Variants in PCSK5 observed in about 807,000 individuals in gnomAD.
PCSK5 encodes the protein prohormone convertase 5.
PCSK5 carries 129 observed loss-of-function variants against 233.2 expected under a neutral mutation model. The ratio of observed to expected loss-of-function variants is 0.55; its 90% CI spans 0.48 to 0.64. The LOEUF (loss-of-function observed/expected upper bound fraction) is 0.64. Ranked by LOEUF, PCSK5 falls within the 30% of genes least tolerant of loss-of-function variation. The probability of loss-of-function intolerance (pLI) is 0.00; values close to 1 mark genes in which losing one functional copy is unlikely to be tolerated. For synonymous variants in PCSK5, 825 were observed against 879.2 expected, an observed-to-expected ratio of 0.94 and a Z score of 1.09; for missense variants, 2,076 against 2,430.1, an observed-to-expected ratio of 0.85 and a Z score of 3.06.
intron 10 of PCSK5, 124 bp downstream of exon 10, chr9:76,134,336 C>A: frequency 1.7e-6 from 1 of 582,654 alleles, no homozygotes. Context: ...AAACAAAGAG[C>A]TTGATCTTTT....
At chr9:76,246,329 G>A (rs1351236390) in intron 24 of PCSK5, among the ~76,000 whole-genome samples, 4 of 117,554 alleles carry the variant, frequency 3.4e-5, no homozygotes, top group South Asian at 6.8e-4. Flanking sequence ...GCGACAGAGC[G>A]AGATTCCATC....
At position 76,338,459 on chromosome 9, in the gene PCSK5, C is replaced by T. The variant is rs1029689289; in HGVS notation, c.4966+12C>T. ...TGATCAATGCAAAGGTGAGAGTCTA[C>T]CTGTCATTTTGCATGAGTGCGTAGA... On this transcript the variant is annotated intron_variant, in intron 35 of 37. Transcript: ENST00000674117. 6.3e-7 allele frequency: 1 copy of T among 1,581,350 alleles called. No individual in the cohort carries two copies. The highest frequency in any genetic ancestry group is 8.7e-7 in the Non-Finnish European group (1 of 1,151,652).
intron 10 of PCSK5, among the ~76,000 whole-genome samples, chr9:76,154,190 C>T (rs534897419): frequency 3.3e-5 from 5 of 152,190 alleles, no homozygotes; most frequent in East Asian, 1.9e-4. Context: ...AAGTTTTTTT[C>T]GGTTGACCAG....
At chr9:75,998,928 G>A (rs1827141849) in intron 3 of PCSK5, among the ~76,000 whole-genome samples, 1 of 151,868 alleles carries the variant, frequency 6.6e-6, no homozygotes, top group African/African-American at 2.4e-5. Flanking sequence ...AAATTAATTT[G>A]TTTATATTAT....
At position 76,354,034 on chromosome 9, in the gene PCSK5, G is replaced by A. The variant is rs778857278; in HGVS notation, c.5069G>A (p.Gly1690Glu). 5.0e-6 allele frequency: 8 copies of A among 1,606,610 alleles called. No homozygotes were observed. Among genetic ancestry groups the A allele is most frequent in the South Asian group, 1.1e-5 (1 of 89,566 alleles). The change falls in exon 37 of 38, where the codon GGA becomes GAA. Residue 1690 changes from glycine to glutamate, a missense_variant and splice_region_variant. Physicochemically the swap from Gly to Glu is moderately conservative, Grantham distance 98 (BLOSUM62 -2). This residue lies in a region of PCSK5 where 1,510 missense variants were observed against 1,538.1 expected (regional missense o/e 0.98). Coordinates refer to ENST00000674117, the MANE Select transcript of PCSK5 (RefSeq NM_001372043.1). The stretch of plus-strand genomic sequence containing the variant: ...GAACCTCTTGATTGCTCTTAACAGG[G>A]AGAGAAGTTTAACTGTGAAAAATGC... ...CLVGEYRVGE[G>E]EKFNCEKCHE...
chr9:76,273,906 G>A (rs1172641725), intron 24 of PCSK5, among the ~76,000 whole-genome samples: 8 of 149,374 alleles, frequency 5.4e-5, no homozygotes, highest in Non-Finnish European at 8.9e-5. Context: ...CTTTGGACTC[G>A]CAAAGTGCTG....
At chr9:76,060,123 A>G (rs1031954301) in intron 5 of PCSK5, among the ~76,000 whole-genome samples, 32 of 152,216 alleles carry the variant, frequency 2.1e-4, no homozygotes, top group Admixed American at 9.2e-4. Flanking sequence ...CTGCAAAAAG[A>G]AACAGAGCAA....
At chr9:76,332,337 C>A (rs964292128) in intron 33 of PCSK5, 96 bp from the exon 34 acceptor site, 3 of 829,094 alleles carry the variant, frequency 3.6e-6, no homozygotes, top group Non-Finnish European at 3.9e-6. Context: ...TCCTGCAGCC[C>A]TCTCCTCCCT....
intron 7 of PCSK5, among the ~76,000 whole-genome samples, chr9:76,092,693 A>T (rs1831344963): frequency 6.6e-6 from 1 of 152,258 alleles, no homozygotes; most frequent in Non-Finnish European, 1.5e-5. Flanking sequence ...CAGTTTGCTC[A>T]TCTGTAAAAT....
intron 24 of PCSK5, among the ~76,000 whole-genome samples, chr9:76,291,603 C>T (rs1828279419): frequency 6.6e-6 from 1 of 152,152 alleles, no homozygotes; most frequent in South Asian, 2.1e-4. Context: ...GATGATGACT[C>T]TCAAAATCTT....
chr9:76,055,486 C>T (rs1240036724), intron 5 of PCSK5, among the ~76,000 whole-genome samples: 2 of 151,842 alleles, frequency 1.3e-5, no homozygotes, highest in Non-Finnish European at 2.9e-5. Context: ...CGGCTATTTT[C>T]CATTCTTAAG....
chr9:76,071,964 A>G (rs548122661), intron 7 of PCSK5, 66 bp downstream of exon 7: 47 of 1,457,200 alleles, frequency 3.2e-5, no homozygotes, highest in Non-Finnish European at 3.7e-5. Context: ...TGAAGAATCT[A>G]TGGGTTTCCA....
chr9:76,210,155 A>G (rs964039266), intron 20 of PCSK5, among the ~76,000 whole-genome samples: 3 of 152,168 alleles, frequency 2.0e-5, no homozygotes, highest in Non-Finnish European at 1.5e-5. Flanking sequence ...AGAAAACGCC[A>G]GTGGTGAAGC....
At chr9:76,308,067 C>G (rs2036056) in intron 28 of PCSK5, among the ~76,000 whole-genome samples, 109,350 of 151,926 alleles carry the variant, frequency 0.72, 39,523 homozygotes, top group East Asian at 0.91. Context: ...CATGGTAGTG[C>G]GCACCTGTAA....
intron 1 of PCSK5, among the ~76,000 whole-genome samples, chr9:75,896,298 G>T (rs1432224827): frequency 1.3e-5 from 2 of 152,308 alleles, no homozygotes; most frequent in East Asian, 1.9e-4. Flanking sequence ...GGATTTCGGG[G>T]TCTATTTGAA....
In PCSK5 at chr9:76,140,698, C is replaced by A. The variant is rs187697617; in HGVS notation, c.1312+6486C>A. On this transcript the variant is annotated intron_variant, in intron 10 of 37. Transcript: ENST00000674117. The stretch of plus-strand genomic sequence containing the variant: ...ATGATAATGCAACTATACTTAAATT[C>A]TGTTTTGCAAATTAATTTAAATGTT... Among the ~76,000 whole-genome samples the A allele has an allele frequency of 4.3e-4, 66 of 152,148 alleles. 1 individual carries two copies. The highest frequency in any genetic ancestry group is 6.8e-3 in the Middle Eastern group (2 of 294).
chr9:76,329,544 TAC>T (rs1317963870), intron 33 of PCSK5, among the ~76,000 whole-genome samples: 1 of 151,858 alleles, frequency 6.6e-6, no homozygotes, highest in Admixed American at 6.6e-5. Context: ...TTTAGAAAAA[TAC>T]AGTCTTGGCT....
intron 1 of PCSK5, among the ~76,000 whole-genome samples, chr9:75,914,217 A>G (rs781706919): frequency 2.0e-5 from 3 of 152,188 alleles, no homozygotes; most frequent in Non-Finnish European, 4.4e-5. Flanking sequence ...CTTGAGTGTT[A>G]TCATAAAGGG....
intron 10 of PCSK5, among the ~76,000 whole-genome samples, chr9:76,149,420 T>C (rs1823575377): frequency 6.6e-6 from 1 of 152,148 alleles, no homozygotes; most frequent in Non-Finnish European, 1.5e-5. Context: ...AAATTCTCTA[T>C]TCCCTTATCT....
Sources: gnomAD v4.1 joint callset for allele counts (sites outside exome capture counted in the v4.1 genomes callset) on GRCh38, gnomAD v4.1.1 for gene constraint, gnomAD v4.1.1 regional missense constraint, MANE v1.5 for transcripts, NCBI Gene and HGNC (gene_info 2026-07-23, HGNC 2026-07-21) for gene names.